STARD9: variants seen among roughly 807,000 people sequenced by gnomAD.
STARD9 encodes StAR related lipid transfer domain containing 9.
STARD9 carries 346 observed loss-of-function variants against 399.8 expected under a neutral mutation model. The ratio of observed to expected loss-of-function variants is 0.87; its 90% confidence interval spans 0.79 to 0.95. The LOEUF is 0.95. Among genes scored for constraint, STARD9 ranks in the 40% least tolerant of loss-of-function variants. STARD9 has a pLI of 0.00. For missense variants in STARD9, 5,832 were observed against 5,667.5 expected, an observed-to-expected ratio of 1.03 and a Z score of -0.93; for synonymous variants, 2,203 against 2,143.5, an observed-to-expected ratio of 1.03 and a Z score of -0.77.
intron 16 of STARD9, chr15:42,670,230 G>C (rs2060178420): frequency 6.6e-6 from 1 of 152,194 alleles, no homozygotes; most frequent in African/African-American, 2.4e-5. Context: ...AAAGGAGACA[G>C]AGAAAGTAGG....
chr15:42,640,295 G>A (rs1041731116), intron 7 of STARD9, among the ~76,000 whole-genome samples: 1 of 152,186 alleles, frequency 6.6e-6, no homozygotes, highest in Non-Finnish European at 1.5e-5. Context: ...TCAGGGCATG[G>A]CAAATGGATG....
intron 2 of STARD9, among the ~76,000 whole-genome samples, chr15:42,584,380 C>T (rs751216502): frequency 2.1e-4 from 32 of 152,176 alleles, no homozygotes; most frequent in South Asian, 4.1e-4. Context: ...ATATTGCTGT[C>T]GCCTAATCAC....
chr15:42,602,966 C>G (rs1403730297), intron 3 of STARD9, among the ~76,000 whole-genome samples: 3 of 152,158 alleles, frequency 2.0e-5, no homozygotes, highest in African/African-American at 4.8e-5. Flanking sequence ...CCTCTAGACC[C>G]TATTCTCCTG....
intron 3 of STARD9, among the ~76,000 whole-genome samples, chr15:42,594,605 G>C (rs902284341): frequency 6.6e-6 from 1 of 152,176 alleles, no homozygotes; most frequent in African/African-American, 2.4e-5. Flanking sequence ...CAGATTGAAG[G>C]TCTAGAGAGA....
chr15:42,716,577 T>G, intron 26 of STARD9, 100 bp from the exon 27 acceptor site: 1 of 747,650 alleles, frequency 1.3e-6, no homozygotes, highest in Non-Finnish European at 2.3e-6. Flanking sequence ...CCTTTGCAGT[T>G]GAGTCATCCC....
chr15:42,628,636 T>C (rs1460256159), intron 3 of STARD9, among the ~76,000 whole-genome samples: 1 of 152,208 alleles, frequency 6.6e-6, no homozygotes, highest in African/African-American at 2.4e-5. Context: ...CAAGTTTCAT[T>C]CTTCTGCATG....
At chr15:42,715,256 G>C (rs756174949) in intron 26 of STARD9, among the ~76,000 whole-genome samples, 8 of 152,192 alleles carry the variant, frequency 5.3e-5, no homozygotes, top group Non-Finnish European at 1.2e-4. Context: ...CTGCTGTTTG[G>C]AGGAGTGACG....
At chr15:42,639,111 G>A (rs952750089) in intron 7 of STARD9, among the ~76,000 whole-genome samples, 2 of 152,246 alleles carry the variant, frequency 1.3e-5, no homozygotes, top group Non-Finnish European at 2.9e-5. Context: ...TGTATGAGGT[G>A]ATCAGGAAGA....
chr15:42,685,505 G>C lies in STARD9; in HGVS notation c.3927G>C (p.Gln1309His), dbSNP rs766847646. The change falls in exon 23 of 33, where the codon CAG (glutamine) becomes CAC (histidine). Residue 1309 changes from glutamine (Q) to histidine (H), a missense_variant. Gln to His is a conservative substitution (Grantham distance 24). Transcript: ENST00000290607. ...LQPHCEQAESQVEPSYSEQAD... is the reference protein window; with the variant it reads ...LQPHCEQAESHVEPSYSEQAD... ...CCCATTGTGAGCAGGCTGAATCACA[G>C]GTAGAGCCAAGCTACTCTGAACAAG... 2 of 1,536,446 alleles carry C rather than the reference G, an allele frequency of 1.3e-6. No individual in the cohort carries two copies. The highest frequency in any genetic ancestry group is 2.7e-5 in the African/African-American group (2 of 72,742).
At chr15:42,582,258 G>A (rs1049505405) in intron 1 of STARD9, among the ~76,000 whole-genome samples, 1 of 152,178 alleles carries the variant, frequency 6.6e-6, no homozygotes, top group Non-Finnish European at 1.5e-5. Flanking sequence ...TAAGACTGAA[G>A]GTATTGTCTC....
At chr15:42,580,555 C>T (rs2058146055) in intron 1 of STARD9, among the ~76,000 whole-genome samples, 1 of 152,190 alleles carries the variant, frequency 6.6e-6, no homozygotes, top group African/African-American at 2.4e-5. Context: ...GTGGCTCACG[C>T]CTGTAATCCC....
chr15:42,691,976 C>T lies in STARD9; in HGVS notation c.10398C>T (p.Ile3466=), dbSNP rs1382097466. Residue 3466 remains isoleucine, a synonymous_variant, in exon 23 of 33, where the codon ATC becomes ATT. Transcript: ENST00000290607. The part of the protein sequence containing the change: ...KGMLHFGSSD[I]SPYALPWRPE... ...TGCTGCACTTTGGCTCCAGTGACAT[C>T]AGTCCCTATGCGCTGCCGTGGCGTC... is the stretch of plus-strand genomic sequence containing the variant. The T allele has an allele frequency of 6.5e-7, 1 of 1,537,258 alleles. No individual in the cohort carries two copies. The highest frequency in any genetic ancestry group is 2.0e-5 in the Admixed American group (1 of 50,994).
Position 42,694,673 on chromosome 15 carries a change from A to G in STARD9, c.12910A>G (p.Arg4304Gly). 6 of 1,537,236 alleles carry G rather than the reference A, an allele frequency of 3.9e-6. No individual in the cohort carries two copies. Among genetic ancestry groups the G allele is most frequent in the Non-Finnish European group, 5.2e-6 (6 of 1,146,902 alleles). ...CATCTGGGATCTTGACTTGCCCAGCAGACGCCGAGAATACCTGCAGCAACT... is the reference window on the plus strand; with the variant it reads ...CATCTGGGATCTTGACTTGCCCAGCGGACGCCGAGAATACCTGCAGCAACT... ...LFIWDLDLPS[R>G]RREYLQQLRK... The change falls in exon 24 of 33, where the codon AGA (arginine) becomes GGA (glycine). Residue 4304 changes from arginine (R) to glycine (G), a missense_variant. Transcript: ENST00000290607.
At position 42,717,962 on chromosome 15, in the gene STARD9, G is replaced by T. The variant is rs1023876214; in HGVS notation, c.13560-15G>T. 6.5e-7 allele frequency: 1 copy of T among 1,536,476 alleles called. No individual in the cohort carries two copies. Among genetic ancestry groups the T allele is most frequent in the African/African-American group, 1.4e-5 (1 of 72,974 alleles). On this transcript the variant is annotated splice_polypyrimidine_tract_variant and intron_variant, in intron 29 of 32. Coordinates refer to ENST00000290607, the MANE Select transcript of STARD9 (RefSeq NM_020759.3). ...TGACCCCTTTCTATTTTCTGTGCTT[G>T]GTGTCTCCCCCCAGCTATCAGGGTG... is the stretch of plus-strand genomic sequence containing the variant.
chr15:42,686,039 T>G lies in STARD9; in HGVS notation c.4461T>G (p.Leu1487=), dbSNP rs770075232. 52 of 1,537,312 alleles carry G rather than the reference T, an allele frequency of 3.4e-5. No individual in the cohort carries two copies. The highest frequency in any genetic ancestry group is 4.4e-5 in the Non-Finnish European group (50 of 1,146,910). The change falls in exon 23 of 33, where the codon CTT becomes CTG. Residue 1487 remains leucine, a synonymous_variant. Transcript: ENST00000290607. The part of the protein sequence containing the change: ...GSTHERDWSA[L]QQKYLLELSC... ...CCCATGAAAGGGATTGGTCTGCCCT[T>G]CAGCAGAAGTACCTCCTTGAACTCT... is the stretch of plus-strand genomic sequence containing the variant.
At chr15:42,611,411 G>C (rs181381621) in intron 3 of STARD9, among the ~76,000 whole-genome samples, 1 of 152,292 alleles carries the variant, frequency 6.6e-6, no homozygotes, top group Admixed American at 6.5e-5. Flanking sequence ...TCAATTGTTG[G>C]AGACATTCTC....
intron 3 of STARD9, among the ~76,000 whole-genome samples, chr15:42,592,524 A>C (rs2058419564): frequency 6.6e-6 from 1 of 151,964 alleles, no homozygotes. Context: ...AGCTCACTGC[A>C]ATCTCCGCCT....
At chr15:42,705,481 T>G (rs1347819444) in intron 26 of STARD9, among the ~76,000 whole-genome samples, 1 of 152,148 alleles carries the variant, frequency 6.6e-6, no homozygotes, top group Non-Finnish European at 1.5e-5. Flanking sequence ...TCACTCAGAC[T>G]GGAGTGCTGT....
At position 42,652,920 on chromosome 15, in the gene STARD9, C is replaced by T. The variant is rs545878913; in HGVS notation, c.702+328C>T. Among the ~76,000 whole-genome samples, 5 of 152,254 alleles carry T rather than the reference C, an allele frequency of 3.3e-5. No individual in the cohort carries two copies. The East Asian group carries it at 9.7e-4, about 29-fold the overall frequency. ...CTCAAACTCCTGACCTCAGATGATCCACCTGGCTCGGCCTGCCTAAGTGCT... is the reference window on the plus strand; with the variant it reads ...CTCAAACTCCTGACCTCAGATGATCTACCTGGCTCGGCCTGCCTAAGTGCT... On this transcript the variant is annotated intron_variant, in intron 9 of 32. Transcript: ENST00000290607.
Sources: gnomAD v4.1 joint callset for allele counts (sites outside exome capture counted in the v4.1 genomes callset) on GRCh38, gnomAD v4.1.1 for gene constraint, MANE v1.5 for transcripts, NCBI Gene and HGNC (gene_info 2026-07-23, HGNC 2026-07-21) for gene names.